Variants in GPC6 observed in about 807,000 individuals in gnomAD.
GPC6 encodes the protein glypican 6.
GPC6 carries 14 observed loss-of-function variants against 55.2 expected under a neutral mutation model. That is an observed-to-expected ratio of 0.25 (90% CI 0.17 to 0.40). The LOEUF (loss-of-function observed/expected upper bound fraction) is 0.40. Ranked by LOEUF, GPC6 falls within the 10% of genes least tolerant of loss-of-function variation. The pLI is 1.00. For synonymous variants in GPC6, 278 were observed against 259.6 expected, an observed-to-expected ratio of 1.07 and a Z score of -0.68; for missense variants, 641 against 708.5, an observed-to-expected ratio of 0.90 and a Z score of 1.08.
chr13:94,020,416 T>C (rs1405903516), intron 3 of GPC6, among the ~76,000 whole-genome samples: 1 of 152,234 alleles, frequency 6.6e-6, no homozygotes, highest in Non-Finnish European at 1.5e-5. Flanking sequence ...CTGAAATTTA[T>C]CAGTCTCTTT....
At chr13:93,290,399 G>A (rs1039559080) in intron 1 of GPC6, among the ~76,000 whole-genome samples, 10 of 152,012 alleles carry the variant, frequency 6.6e-5, no homozygotes, top group African/African-American at 1.9e-4. Flanking sequence ...CCACCCTTAC[G>A]TTCTTATTTT....
chr13:93,537,074 G>A lies in GPC6; in HGVS notation c.161-8189G>A, dbSNP rs73541505. 3.3e-3 allele frequency among the ~76,000 whole-genome samples: 508 copies of A among 152,244 alleles called. 5 individuals are homozygous for A. Among genetic ancestry groups the A allele is most frequent in the African/African-American group, 0.012 (488 of 41,550 alleles). ...AATGAGTGGTGCCTGCTTAGACTTT[G>A]TGATGTGAAAGTTTCCTGAAGACAC... On this transcript the variant is annotated intron_variant, in intron 1 of 8. Coordinates refer to ENST00000377047, the MANE Select transcript of GPC6 (RefSeq NM_005708.5).
At chr13:94,164,024 C>T (rs1392291883) in intron 4 of GPC6, among the ~76,000 whole-genome samples, 1 of 152,112 alleles carries the variant, frequency 6.6e-6, no homozygotes, top group Admixed American at 6.6e-5. Context: ...TAACTCTTAT[C>T]TATGAGATGC....
chr13:93,925,993 C>T lies in GPC6; in HGVS notation c.711+95448C>T, dbSNP rs146210876. On this transcript the variant is annotated intron_variant, in intron 3 of 8. Transcript: ENST00000377047. ...TCTCTTATTCTTTGCATAGCCTCAT[C>T]GTGTGGGTATCTTGGGCATCTTCAC... 3.6e-3 allele frequency among the ~76,000 whole-genome samples: 552 copies of T among 152,256 alleles called. 2 individuals carry two copies. The highest frequency in any genetic ancestry group is 6.8e-3 in the Middle Eastern group (2 of 294).
chr13:93,346,106 T>C (rs940935829), intron 1 of GPC6, among the ~76,000 whole-genome samples: 4 of 152,194 alleles, frequency 2.6e-5, no homozygotes, highest in Non-Finnish European at 5.9e-5. Context: ...TGTTGCTAAG[T>C]AAATCACTGT....
At chr13:94,228,744 T>C (rs1473754146) in intron 4 of GPC6, among the ~76,000 whole-genome samples, 1 of 150,868 alleles carries the variant, frequency 6.6e-6, no homozygotes, top group Non-Finnish European at 1.5e-5. Context: ...CATCCCATCC[T>C]CCAGTGGGGT....
At chr13:94,360,739 T>G (rs904557963) in intron 6 of GPC6, among the ~76,000 whole-genome samples, 2 of 152,318 alleles carry the variant, frequency 1.3e-5, no homozygotes, top group South Asian at 2.1e-4. Flanking sequence ...CCATCTTTTT[T>G]GAAATGAGTG....
At chr13:93,930,490 C>T (rs571554262) in intron 3 of GPC6, among the ~76,000 whole-genome samples, 4 of 152,100 alleles carry the variant, frequency 2.6e-5, no homozygotes, top group East Asian at 1.9e-4. Context: ...AGGCTGGTCT[C>T]AAACTCCTGA....
rs1423841779 is a variant in GPC6 at position 93,354,360 on chromosome 13, T to TTTGTTTTTG, written c.160+126746_160+126747insGTTTTTGTT. 1.8e-3 allele frequency among the ~76,000 whole-genome samples: 260 copies of TTTGTTTTTG among 146,106 alleles called. 1 individual carries two copies. The highest frequency in any genetic ancestry group is 2.7e-3 in the Non-Finnish European group (182 of 66,858). On this transcript the variant is annotated intron_variant, in intron 1 of 8. Transcript: ENST00000377047. Reference sequence around the variant, plus strand: ...GCTTCCGTTGGTAGATTTTTTTTTTTTTTTTTTTGAGACAGAGTCTCGCTG... The same window carrying TTTGTTTTTG: ...GCTTCCGTTGGTAGATTTTTTTTTTTTTGTTTTTGTTTTTTTTGAGACAGAGTCTCGCTG...
At chr13:93,945,477 G>A (rs1262382499) in intron 3 of GPC6, among the ~76,000 whole-genome samples, 1 of 152,176 alleles carries the variant, frequency 6.6e-6, no homozygotes, top group Non-Finnish European at 1.5e-5. Flanking sequence ...GAAAGTTGTT[G>A]GCAAGGTGAA....
In GPC6 at chr13:94,407,925, A is replaced by G. The variant is rs1881427898; in HGVS notation, c.*4708A>G. Among the ~76,000 whole-genome samples the G allele has an allele frequency of 6.6e-6, 1 of 152,150 alleles. No homozygotes were observed. Among genetic ancestry groups the G allele is most frequent in the Admixed American group, 6.5e-5 (1 of 15,276 alleles). ...TGGCTGTGAAAAACCACCAGTTGAA[A>G]ATTATTCATTCCTTAATGCAGCTAA... On this transcript the variant is annotated 3_prime_UTR_variant, in exon 9 of 9. Coordinates refer to ENST00000377047, the MANE Select transcript of GPC6 (RefSeq NM_005708.5).
chr13:93,606,876 C>G (rs1282451687), intron 2 of GPC6, among the ~76,000 whole-genome samples: 1 of 152,162 alleles, frequency 6.6e-6, no homozygotes, highest in Non-Finnish European at 1.5e-5. Context: ...ACCCATTTTA[C>G]AAACAAATCA....
Position 94,398,507 on chromosome 13 carries a change from T to A in GPC6, c.1331T>A (p.Ile444Asn). 6.2e-7 allele frequency: 1 copy of A among 1,613,850 alleles called. No individual in the cohort carries two copies. Among genetic ancestry groups the A allele is most frequent in the Non-Finnish European group, 8.5e-7 (1 of 1,179,812 alleles). The change falls in exon 8 of 9, where the codon ATC becomes AAC. Residue 444 changes from isoleucine (I) to asparagine (N), a missense_variant. Physicochemically the swap from Ile to Asn is moderately radical, Grantham distance 149. Coordinates refer to ENST00000377047, the MANE Select transcript of GPC6 (RefSeq NM_005708.5). ...ATGAATGATGGGCTCACCAACCAGA[T>A]CAACAATCCCGAGGTGGATGTGGAC... ...EIMNDGLTNQ[I>N]NNPEVDVDIT...
chr13:93,276,196 T>C (rs904339668), intron 1 of GPC6, among the ~76,000 whole-genome samples: 7 of 151,998 alleles, frequency 4.6e-5, no homozygotes, highest in Admixed American at 1.3e-4. Context: ...TATTTTATGT[T>C]CAGTGACCAG....
chr13:94,324,605 G>A (rs1009044222), intron 6 of GPC6, among the ~76,000 whole-genome samples: 2 of 151,940 alleles, frequency 1.3e-5, no homozygotes, highest in African/African-American at 4.8e-5. Context: ...AAAAGAATAA[G>A]AGAAACAGAG....
chr13:93,991,963 A>G (rs1881328871), intron 3 of GPC6, among the ~76,000 whole-genome samples: 1 of 152,102 alleles, frequency 6.6e-6, no homozygotes, highest in Non-Finnish European at 1.5e-5. Context: ...CCATAAAACT[A>G]TATATACATA....
chr13:94,194,251 A>T (rs1002852984), intron 4 of GPC6, among the ~76,000 whole-genome samples: 2 of 152,246 alleles, frequency 1.3e-5, no homozygotes, highest in Non-Finnish European at 2.9e-5. Context: ...TGAATTTCAG[A>T]TAAACTAGAA....
At chr13:93,376,520 C>T (rs1039870377) in intron 1 of GPC6, among the ~76,000 whole-genome samples, 1 of 152,132 alleles carries the variant, frequency 6.6e-6, no homozygotes, top group African/African-American at 2.4e-5. Flanking sequence ...CCTGTGAAGC[C>T]CTCTGTTTCG....
In GPC6 at chr13:94,361,556, C is replaced by T. The variant is rs115137222; in HGVS notation, c.1153-20858C>T. ...GGGCATTGCCACTAATTAATAATAA[C>T]TGAACATGAAAATCATTTATTCAAT... On this transcript the variant is annotated intron_variant, in intron 6 of 8. Coordinates refer to ENST00000377047, the MANE Select transcript of GPC6 (RefSeq NM_005708.5). 4.4e-3 allele frequency among the ~76,000 whole-genome samples: 669 copies of T among 152,360 alleles called. 1 individual carries two copies. Among genetic ancestry groups the T allele is most frequent in the East Asian group, 0.027 (142 of 5,188 alleles).
Sources: gnomAD v4.1 joint callset for allele counts (sites outside exome capture counted in the v4.1 genomes callset) on GRCh38, gnomAD v4.1.1 for gene constraint, MANE v1.5 for transcripts, NCBI Gene and HGNC (gene_info 2026-07-23, HGNC 2026-07-21) for gene names.